Variants in NCKAP5 observed in about 807,000 individuals in gnomAD.
The protein encoded by NCKAP5 is NCK associated protein 5.
Under a neutral mutation model 167.0 loss-of-function variants are expected in NCKAP5, and 92 were observed. The ratio of observed to expected loss-of-function variants is 0.55; its 90% CI spans 0.47 to 0.66. The LOEUF is 0.66. Ranked by LOEUF, NCKAP5 falls within the 30% of genes least tolerant of loss-of-function variation. The pLI is 0.00. For synonymous variants in NCKAP5, 891 were observed against 877.4 expected (o/e 1.02, Z -0.27); for missense variants, 2,378 against 2,315.0 (o/e 1.03, Z -0.56).
At chr2:133,132,426 A>G (rs1310613678) in intron 5 of NCKAP5, among the ~76,000 whole-genome samples, 2 of 151,682 alleles carry the variant, frequency 1.3e-5, no homozygotes, top group African/African-American at 2.4e-5. Context: ...CCTTTTCCAC[A>G]TGAATAATCT....
chr2:132,825,244 A>C (rs1223148642), intron 11 of NCKAP5, among the ~76,000 whole-genome samples: 1 of 152,214 alleles, frequency 6.6e-6, no homozygotes, highest in Non-Finnish European at 1.5e-5. Flanking sequence ...TGAGTGGCTA[A>C]TGAAACATAG....
At position 132,789,793 on chromosome 2, in the gene NCKAP5, A is replaced by T. The variant is rs1683902868; in HGVS notation, c.1092+230T>A. The stretch of plus-strand genomic sequence containing the variant: ...TATATAAGTAGAAATATGCCTACCT[A>T]CACTGAAGTTGTGGTCTCTGTCATC... On this transcript the variant is annotated intron_variant, in intron 13 of 19. Coordinates refer to ENST00000409261, the MANE Select transcript of NCKAP5 (RefSeq NM_207363.3). Among the ~76,000 whole-genome samples the T allele has an allele frequency of 2.0e-5, 3 of 152,176 alleles. No homozygotes were observed. In the South Asian group the frequency reaches 6.2e-4, roughly 32 times the overall value.
At chr2:133,358,270 A>G (rs1002966929) in intron 3 of NCKAP5, among the ~76,000 whole-genome samples, 1 of 152,118 alleles carries the variant, frequency 6.6e-6, no homozygotes, top group African/African-American at 2.4e-5. Flanking sequence ...TATTATCCCA[A>G]TAAAATCAAT....
At chr2:133,059,556 C>A (rs1397653349) in intron 6 of NCKAP5, among the ~76,000 whole-genome samples, 3 of 151,712 alleles carry the variant, frequency 2.0e-5, no homozygotes, top group African/African-American at 7.3e-5. Flanking sequence ...GCCTGTGGTC[C>A]CAGCTACTCA....
intron 4 of NCKAP5, among the ~76,000 whole-genome samples, chr2:133,292,898 A>G (rs1400228610): frequency 6.6e-6 from 1 of 152,168 alleles, no homozygotes; most frequent in Non-Finnish European, 1.5e-5. Flanking sequence ...AACTATAAAG[A>G]TCCTAGTCCT....
In NCKAP5 at chr2:132,785,597, A is replaced by G. The variant is rs762169644; in HGVS notation, c.1214T>C (p.Leu405Pro). 1.9e-6 allele frequency: 3 copies of G among 1,579,614 alleles called. No homozygotes were observed. Among genetic ancestry groups the G allele is most frequent in the Non-Finnish European group, 2.6e-6 (3 of 1,165,300 alleles). ...RIKESHILEG[L>P]RKLQKRKVLL... The stretch of plus-strand genomic sequence containing the variant: ...CACTTTTCGCTTCTGTAGCTTTCTT[A>G]GCCCTTCCAAAATGTGGCTTTCCTT... The change falls in exon 14 of 20, where the codon CTA becomes CCA. Residue 405 changes from leucine (L) to proline (P), a missense_variant. By Grantham distance (98) the Leu-to-Pro change is moderately conservative. Transcript: ENST00000409261.
intron 3 of NCKAP5, among the ~76,000 whole-genome samples, chr2:133,447,423 T>C (rs1008165737): frequency 2.0e-5 from 3 of 151,884 alleles, no homozygotes; most frequent in African/African-American, 4.8e-5. Context: ...CTTCCTTCCC[T>C]TTCTTTTTAT....
chr2:133,572,409 A>G (rs1220877564), upstream of NCKAP5, among the ~76,000 whole-genome samples: 1 of 152,218 alleles, frequency 6.6e-6, no homozygotes, highest in Non-Finnish European at 1.5e-5. Context: ...AAGAGAAGAT[A>G]AGTCATAGGC....
chr2:133,258,082 G>A (rs769434184), intron 4 of NCKAP5, among the ~76,000 whole-genome samples: 14 of 152,128 alleles, frequency 9.2e-5, no homozygotes, highest in Admixed American at 2.0e-4. Flanking sequence ...GCTGGGTTGC[G>A]TTTTAAGTGC....
intron 5 of NCKAP5, among the ~76,000 whole-genome samples, chr2:133,187,878 T>A (rs2150063783): frequency 6.6e-6 from 1 of 152,188 alleles, no homozygotes; most frequent in Non-Finnish European, 1.5e-5. Flanking sequence ...CGTTTGCACG[T>A]GAGATGGGTC....
intron 11 of NCKAP5, among the ~76,000 whole-genome samples, chr2:132,816,251 A>T (rs1686260228): frequency 6.6e-6 from 1 of 152,068 alleles, no homozygotes; most frequent in African/African-American, 2.4e-5. Context: ...AATCACCTCC[A>T]CTGAAGAATC....
chr2:133,505,951 C>T (rs951407490), intron 3 of NCKAP5, among the ~76,000 whole-genome samples: 1 of 152,216 alleles, frequency 6.6e-6, no homozygotes, highest in African/African-American at 2.4e-5. Context: ...TTCTTTATTT[C>T]ACTTAATGAC....
At chr2:132,685,771 A>T (rs1685858999) in intron 19 of NCKAP5, among the ~76,000 whole-genome samples, 1 of 152,134 alleles carries the variant, frequency 6.6e-6, no homozygotes, top group South Asian at 2.1e-4. Context: ...CTGCAGTAGA[A>T]ATTGCAACTT....
chr2:133,611,031 TC>T, the NCKAP5 span, among the ~76,000 whole-genome samples: 3 of 152,136 alleles, frequency 2.0e-5, no homozygotes, highest in Non-Finnish European at 4.4e-5. Flanking sequence ...TTGTACTTTT[TC>T]TTTTCAGTTC....
chr2:132,816,421 C>T (rs546929556), intron 11 of NCKAP5, among the ~76,000 whole-genome samples: 5 of 152,210 alleles, frequency 3.3e-5, no homozygotes, highest in African/African-American at 9.6e-5. Flanking sequence ...GTCAGAATGT[C>T]GGGAGCGGCT....
the NCKAP5 span, among the ~76,000 whole-genome samples, chr2:133,607,751 T>A: frequency 1.3e-5 from 2 of 152,198 alleles, no homozygotes; most frequent in African/African-American, 4.8e-5. Context: ...TCTAAGCACT[T>A]GCTTAGAAGG....
intron 8 of NCKAP5, among the ~76,000 whole-genome samples, chr2:132,946,041 G>T (rs746443055): frequency 3.9e-5 from 6 of 152,348 alleles, no homozygotes; most frequent in African/African-American, 7.2e-5. Context: ...TATCACAAGA[G>T]ATTTGCATTT....
At chr2:133,184,146 C>G (rs537084829) in intron 5 of NCKAP5, among the ~76,000 whole-genome samples, 5 of 152,124 alleles carry the variant, frequency 3.3e-5, no homozygotes, top group African/African-American at 1.2e-4. Context: ...TCCCCAGTGT[C>G]TATTGTTCTC....
chr2:132,952,721 G>T lies in NCKAP5; in HGVS notation c.579+10999C>A, dbSNP rs568786344. Among the ~76,000 whole-genome samples the T allele has an allele frequency of 1.1e-3, 168 of 152,314 alleles. No individual in the cohort carries two copies. The Middle Eastern group carries it at 0.014, about 12-fold the overall frequency. ...GACAGGCCACAAGAAAACGAGCACTGATCAAAGGCTTTTGATGATGGTAGA... is the reference window on the plus strand; with the variant it reads ...GACAGGCCACAAGAAAACGAGCACTTATCAAAGGCTTTTGATGATGGTAGA... On this transcript the variant is annotated intron_variant, in intron 8 of 19. Coordinates refer to ENST00000409261, the MANE Select transcript of NCKAP5 (RefSeq NM_207363.3).
Sources: gnomAD v4.1 joint callset for allele counts (sites outside exome capture counted in the v4.1 genomes callset) on GRCh38, gnomAD v4.1.1 for gene constraint, MANE v1.5 for transcripts, NCBI Gene and HGNC (gene_info 2026-07-23, HGNC 2026-07-21) for gene names.